The following AUTS2 variants were observed in gnomAD, a reference collection of about 807,000 sequenced individuals.
AUTS2 encodes activator of transcription and developmental regulator AUTS2.
A neutral mutation model predicts 112.4 loss-of-function variants in AUTS2; 17 were observed. The observed-to-expected ratio is 0.15, with a 90% CI of 0.10 to 0.23. The LOEUF is 0.23. Among genes scored for constraint, AUTS2 ranks in the 10% least tolerant of loss-of-function variants. AUTS2 has a pLI of 1.00. For synonymous variants in AUTS2, 751 were observed against 702.7 expected, an observed-to-expected ratio of 1.07 and a Z score of -1.09; for missense variants, 1,510 against 1,701.6, an observed-to-expected ratio of 0.89 and a Z score of 1.98.
intron 1 of AUTS2, among the ~76,000 whole-genome samples, chr7:69,648,541 C>A (rs1795145152): frequency 1.3e-5 from 2 of 149,610 alleles, no homozygotes; most frequent in Non-Finnish European, 3.0e-5. Flanking sequence ...TTTCTATTAG[C>A]GAATAGAAAA....
intron 5 of AUTS2, among the ~76,000 whole-genome samples, chr7:70,499,560 C>T (rs1262095024): frequency 6.6e-6 from 1 of 152,218 alleles, no homozygotes; most frequent in South Asian, 2.1e-4. Context: ...GTACCACTCC[C>T]AAGATCCCAG....
intron 1 of AUTS2, among the ~76,000 whole-genome samples, chr7:69,897,096 T>C (rs1794779783): frequency 2.0e-5 from 3 of 152,192 alleles, no homozygotes; most frequent in Non-Finnish European, 4.4e-5. Flanking sequence ...GTACTTGGCA[T>C]GTACTGGGCA....
At chr7:70,464,776 G>A (rs1266032800) in intron 5 of AUTS2, among the ~76,000 whole-genome samples, 2 of 152,216 alleles carry the variant, frequency 1.3e-5, no homozygotes, top group Non-Finnish European at 2.9e-5. Flanking sequence ...GTGAGGTTGA[G>A]GTAGGTCTAG....
intron 2 of AUTS2, among the ~76,000 whole-genome samples, chr7:69,947,056 CCAGCAG>C (rs1182557822): frequency 3.9e-5 from 6 of 152,136 alleles, no homozygotes; most frequent in African/African-American, 1.4e-4. Flanking sequence ...TTGAGTGTTA[CCAGCAG>C]TGCTTGTTGT....
At position 69,945,297 on chromosome 7, in the gene AUTS2, A is replaced by G. The variant is rs540936675; in HGVS notation, c.522+45799A>G. Reference sequence around the variant, plus strand: ...CCTAACTCTAGGCAACCACTGATCTACTTTCTGTCTGTGTGGATTCACCTG... The same window carrying G: ...CCTAACTCTAGGCAACCACTGATCTGCTTTCTGTCTGTGTGGATTCACCTG... On this transcript the variant is annotated intron_variant, in intron 2 of 18. Coordinates refer to ENST00000342771, the MANE Select transcript of AUTS2 (RefSeq NM_015570.4). Among the ~76,000 whole-genome samples the G allele has an allele frequency of 9.9e-5, 15 of 152,246 alleles. No homozygotes were observed. In the South Asian group the frequency reaches 2.1e-3, roughly 21 times the overall value.
chr7:70,321,595 T>A (rs1415813196), intron 4 of AUTS2, among the ~76,000 whole-genome samples: 1 of 152,096 alleles, frequency 6.6e-6, no homozygotes, highest in Non-Finnish European at 1.5e-5. Context: ...TCTACTCCCC[T>A]CTCCTCCCTC....
rs575178526 is a variant in AUTS2, at chr7:69,812,893, C to T, written c.310-86393C>T. Among the ~76,000 whole-genome samples, 18 of 152,290 alleles carry T rather than the reference C, an allele frequency of 1.2e-4. No individual in the cohort carries two copies. The East Asian group carries it at 3.3e-3, about 28-fold the overall frequency. On this transcript the variant is annotated intron_variant, in intron 1 of 18. Coordinates refer to ENST00000342771, the MANE Select transcript of AUTS2 (RefSeq NM_015570.4). ...CTGGACTGCCTCAGTAGCCTCCCACCTGACCTCTTTGCTCCTACTTTGCCT... is the reference window on the plus strand; with the variant it reads ...CTGGACTGCCTCAGTAGCCTCCCACTTGACCTCTTTGCTCCTACTTTGCCT...
intron 2 of AUTS2, among the ~76,000 whole-genome samples, chr7:69,922,264 G>A (rs545788938): frequency 3.9e-5 from 6 of 152,100 alleles, no homozygotes; most frequent in Non-Finnish European, 5.9e-5. Flanking sequence ...ACCAACTAGC[G>A]CTGTCCTTTT....
chr7:70,633,101 G>A (rs1805352702), intron 5 of AUTS2, among the ~76,000 whole-genome samples: 1 of 152,188 alleles, frequency 6.6e-6, no homozygotes, highest in African/African-American at 2.4e-5. Flanking sequence ...GTGACTGTCC[G>A]GGGGCCTTTT....
chr7:69,624,912 G>C (rs1047876497), intron 1 of AUTS2, among the ~76,000 whole-genome samples: 4 of 152,106 alleles, frequency 2.6e-5, no homozygotes, highest in African/African-American at 4.8e-5. Context: ...ACTACTGCCA[G>C]TTTTCTCCCC....
intron 6 of AUTS2, among the ~76,000 whole-genome samples, chr7:70,727,077 G>C (rs773998704): frequency 1.3e-5 from 2 of 152,124 alleles, no homozygotes; most frequent in Admixed American, 1.3e-4. Flanking sequence ...TGAAGGCTGG[G>C]TATTAACATC....
intron 1 of AUTS2, among the ~76,000 whole-genome samples, chr7:69,874,430 T>C (rs1467155128): frequency 1.3e-5 from 2 of 152,140 alleles, no homozygotes; most frequent in Non-Finnish European, 2.9e-5. Flanking sequence ...CATTGAACAT[T>C]GTAAGCAAGG....
At chr7:70,782,797 G>GTGGA (rs1309416246) in intron 15 of AUTS2, 1 of 152,168 alleles carries the variant, frequency 6.6e-6, no homozygotes, top group Non-Finnish European at 1.5e-5. Context: ...CTCACTGTTG[G>GTGGA]TGGACCTCTG....
chr7:70,744,012 G>T (rs1788285521), intron 6 of AUTS2, among the ~76,000 whole-genome samples: 1 of 150,190 alleles, frequency 6.7e-6, no homozygotes, highest in Admixed American at 6.6e-5. Context: ...TTTTGTAAGA[G>T]AGGCTATCCA....
chr7:69,969,410 T>C (rs147396678), intron 2 of AUTS2, among the ~76,000 whole-genome samples: 14 of 152,336 alleles, frequency 9.2e-5, no homozygotes, highest in African/African-American at 3.1e-4. Flanking sequence ...GCTCTATACC[T>C]AATTGAAGGA....
At chr7:70,110,591 C>A (rs947589331) in intron 2 of AUTS2, among the ~76,000 whole-genome samples, 3 of 152,074 alleles carry the variant, frequency 2.0e-5, no homozygotes, top group African/African-American at 4.8e-5. Flanking sequence ...GTCCACTGAA[C>A]CCCTTTAAAT....
chr7:70,111,173 C>T lies in AUTS2; in HGVS notation c.523-6959C>T, dbSNP rs368930390. Among the ~76,000 whole-genome samples, 212 of 152,252 alleles carry T rather than the reference C, an allele frequency of 1.4e-3. 1 individual carries two copies. In the East Asian group the frequency reaches 0.015, roughly 11 times the overall value. ...GGATTATAGGCATGAGCCACCGCGC[C>T]CAGCCCTAACTTTCTTATTTAAAAT... is the stretch of plus-strand genomic sequence containing the variant. On this transcript the variant is annotated intron_variant, in intron 2 of 18. Coordinates refer to ENST00000342771, the MANE Select transcript of AUTS2 (RefSeq NM_015570.4).
chr7:70,575,517 C>T (rs921998576), intron 5 of AUTS2, among the ~76,000 whole-genome samples: 3 of 152,206 alleles, frequency 2.0e-5, no homozygotes, highest in African/African-American at 7.2e-5. Flanking sequence ...TTCAAATAAC[C>T]TTAAAGCATG....
intron 5 of AUTS2, among the ~76,000 whole-genome samples, chr7:70,512,873 C>A (rs955004584): frequency 6.6e-6 from 1 of 151,208 alleles, no homozygotes; most frequent in Non-Finnish European, 1.5e-5. Context: ...GATATATACA[C>A]ACTGGTGAGT....
Sources: gnomAD v4.1 joint callset for allele counts (sites outside exome capture counted in the v4.1 genomes callset) on GRCh38, gnomAD v4.1.1 for gene constraint, MANE v1.5 for transcripts, NCBI Gene and HGNC (gene_info 2026-07-23, HGNC 2026-07-21) for gene names.